Variants in DNAH14 observed in about 807,000 individuals in gnomAD.
The protein encoded by DNAH14 is axonemal beta dynein heavy chain 14.
In DNAH14, 478 loss-of-function variants were observed where a neutral mutation model predicts 520.9. That is an observed-to-expected ratio of 0.92 (90% confidence interval 0.85 to 0.99). The LOEUF is 0.99. Ranked by LOEUF, DNAH14 falls within the 50% of genes least tolerant of loss-of-function variation. The probability of loss-of-function intolerance (pLI) is 0.00; values close to 1 mark genes in which losing one functional copy is unlikely to be tolerated. For missense variants in DNAH14, 4,831 were observed against 5,234.5 expected (o/e 0.92, Z 2.38); for synonymous variants, 1,581 against 1,757.2 (o/e 0.90, Z 2.51).
At chr1:225,369,530 ACAT>A (rs1254484873) in intron 77 of DNAH14, among the ~76,000 whole-genome samples, 1 of 152,040 alleles carries the variant, frequency 6.6e-6, no homozygotes, top group Non-Finnish European at 1.5e-5. Flanking sequence ...GTATACATGT[ACAT>A]ATATATGTAT....
chr1:225,287,980 TA>T (rs1437355069), intron 54 of DNAH14, among the ~76,000 whole-genome samples: 3 of 151,880 alleles, frequency 2.0e-5, no homozygotes, highest in Non-Finnish European at 4.4e-5. Flanking sequence ...AATGACTAAA[TA>T]AATAAGTAAA....
intron 41 of DNAH14, among the ~76,000 whole-genome samples, chr1:225,225,750 G>A (rs1445992979): frequency 6.6e-6 from 1 of 152,128 alleles, no homozygotes; most frequent in African/African-American, 2.4e-5. Flanking sequence ...TTAATGTATG[G>A]TGTGGTCCAA....
intron 28 of DNAH14, among the ~76,000 whole-genome samples, chr1:225,141,505 T>A (rs763847023): frequency 7.9e-5 from 12 of 151,624 alleles, no homozygotes; most frequent in Admixed American, 1.3e-4. Flanking sequence ...CTGAAACATA[T>A]TCCATGCAGA....
chr1:225,182,069 T>A (rs1185326342), intron 36 of DNAH14, among the ~76,000 whole-genome samples: 1 of 152,128 alleles, frequency 6.6e-6, no homozygotes, highest in Admixed American at 6.5e-5. Flanking sequence ...CATGATGGCA[T>A]GCGCCTGTAA....
chr1:224,991,736 T>G (rs2063066365), intron 8 of DNAH14, among the ~76,000 whole-genome samples: 1 of 152,176 alleles, frequency 6.6e-6, no homozygotes, highest in Non-Finnish European at 1.5e-5. Context: ...TCTTGTTCCT[T>G]TTTATGGCTG....
chr1:225,282,683 G>A (rs769760566), intron 54 of DNAH14, among the ~76,000 whole-genome samples: 12 of 152,292 alleles, frequency 7.9e-5, no homozygotes, highest in East Asian at 5.8e-4. Context: ...AAAGATGAGA[G>A]GGCTGAAGTA....
In DNAH14 at chr1:224,929,735, C is replaced by G. The variant is rs2058550465; in HGVS notation, c.-134C>G. On this transcript the variant is annotated 5_prime_UTR_variant, in exon 1 of 86. Transcript: ENST00000682510. ...GCGTGGTAGGGCTGTGCTGCGCGGT[C>G]CTTCCCATTCACCCTAGTCTGGCGC... is the stretch of plus-strand genomic sequence containing the variant. 1.4e-6 allele frequency: 1 copy of G among 702,286 alleles called. No homozygotes were observed. The highest frequency in any genetic ancestry group is 1.7e-5 in the African/African-American group (1 of 57,270). The allele number at this position is 702,286 out of a possible 1,614,324, so 43.5% of individuals were successfully genotyped here. A position where few individuals can be genotyped will look rare whatever the true frequency, so the allele number is the denominator to read the frequency against.
chr1:225,127,249 T>C (rs1180915210), intron 27 of DNAH14, among the ~76,000 whole-genome samples: 273 of 135,884 alleles, frequency 2.0e-3, no homozygotes, highest in African/African-American at 4.5e-3. Flanking sequence ...CTGAGTTCAA[T>C]TCCTGGATAT....
intron 43 of DNAH14, among the ~76,000 whole-genome samples, chr1:225,248,569 G>A (rs899403320): frequency 2.6e-5 from 4 of 152,108 alleles, no homozygotes; most frequent in African/African-American, 9.7e-5. Context: ...TACATGTAAT[G>A]CAAATACAAA....
In DNAH14 at chr1:224,952,720, C is replaced by G. The variant is rs1224458887; in HGVS notation, c.18C>G (p.Pro6=). Residue 6 remains proline (P), a synonymous_variant, in exon 2 of 86, where the codon CCC becomes CCG. Transcript: ENST00000682510. ...AAAAACATATGGAGACGTTTATACC[C>G]ATTGATTTGACAACTGAAAATCAAG... METFI[P]IDLTTENQEM... is the part of the protein sequence containing the mutation. 7 of 1,602,726 alleles carry G rather than the reference C, an allele frequency of 4.4e-6. No homozygotes were observed. The highest frequency in any genetic ancestry group is 6.0e-6 in the Non-Finnish European group (7 of 1,175,100).
chr1:225,347,014 T>C (rs919398390), intron 71 of DNAH14, among the ~76,000 whole-genome samples: 1 of 152,208 alleles, frequency 6.6e-6, no homozygotes, highest in Non-Finnish European at 1.5e-5. Context: ...ACAAAAAGCA[T>C]GTTTATCCAA....
chr1:225,231,916 T>C (rs891845022), intron 42 of DNAH14, among the ~76,000 whole-genome samples: 1 of 152,106 alleles, frequency 6.6e-6, no homozygotes, highest in Non-Finnish European at 1.5e-5. Context: ...ATTTATAAAA[T>C]ATGTATAAGA....
intron 43 of DNAH14, among the ~76,000 whole-genome samples, chr1:225,249,994 A>G (rs902153861): frequency 2.6e-5 from 4 of 152,170 alleles, no homozygotes; most frequent in African/African-American, 9.7e-5. Flanking sequence ...AGACATTTAG[A>G]TTGTTTAAAG....
chr1:225,165,630 G>C (rs939730063), intron 35 of DNAH14, among the ~76,000 whole-genome samples: 2 of 151,788 alleles, frequency 1.3e-5, no homozygotes, highest in African/African-American at 4.8e-5. Flanking sequence ...CTGTCACCCA[G>C]GCTTGAGTGC....
chr1:225,198,789 T>A (rs530671098), intron 38 of DNAH14, among the ~76,000 whole-genome samples: 15 of 152,298 alleles, frequency 9.8e-5, no homozygotes, highest in African/African-American at 3.6e-4. Flanking sequence ...GGAATATTGG[T>A]CTGTAGTTTT....
At position 225,094,493 on chromosome 1, in the gene DNAH14, CTT is replaced by C. The variant is rs1402083651; in HGVS notation, c.3574-2624_3574-2623del. Among the ~76,000 whole-genome samples the C allele has an allele frequency of 3.9e-5, 6 of 151,904 alleles. No individual in the cohort carries two copies. In the East Asian group the frequency reaches 1.2e-3, roughly 29 times the overall value. Reference sequence around the variant, plus strand: ...AAATCAACTAAGCATGGATTAAAGACTTAACTGTAAAACCTAAACCTGTAAAA... The same window carrying C: ...AAATCAACTAAGCATGGATTAAAGACAACTGTAAAACCTAAACCTGTAAAA... On this transcript the variant is annotated intron_variant, in intron 21 of 85. Coordinates refer to ENST00000682510, the MANE Select transcript of DNAH14 (RefSeq NM_001367479.1).
rs1220961374 is a variant in DNAH14, at chr1:224,974,235, ATT to A, written c.830+85_830+86del. 4.4e-6 allele frequency: 4 copies of A among 905,520 alleles called. No individual in the cohort carries two copies. The African/African-American group carries it at 6.9e-5, about 16-fold the overall frequency. The allele number at this position is 905,520 out of a possible 1,614,324, so 56.1% of individuals were successfully genotyped here. A position where few individuals can be genotyped will look rare whatever the true frequency, so the allele number is the denominator to read the frequency against. On this transcript the variant is annotated intron_variant, in intron 8 of 85. Coordinates refer to ENST00000682510, the MANE Select transcript of DNAH14 (RefSeq NM_001367479.1). ...GTACTATGGAAGCAGATATAATTTC[ATT>A]TTCATTCAGTGATTAGAAAGTCACA...
intron 73 of DNAH14, 26 bp downstream of exon 73, chr1:225,353,914 A>G: frequency 8.1e-7 from 1 of 1,229,192 alleles, no homozygotes. Flanking sequence ...AGGAAATATT[A>G]ATATTCTAAA....
intron 81 of DNAH14, among the ~76,000 whole-genome samples, chr1:225,382,961 C>T (rs976959651): frequency 6.6e-6 from 1 of 152,118 alleles, no homozygotes; most frequent in African/African-American, 2.4e-5. Context: ...TCACAAAAGA[C>T]CATATATTGT....
Sources: allele counts gnomAD v4.1 joint callset (sites outside exome capture counted in the v4.1 genomes callset), GRCh38; gene constraint gnomAD v4.1.1; transcripts MANE v1.5; gene names NCBI Gene and HGNC (gene_info 2026-07-23, HGNC 2026-07-21).